The following RAPGEF3 variants were observed in gnomAD, a reference collection of about 807,000 sequenced individuals.
RAPGEF3 encodes Rap guanine nucleotide exchange factor 3.
Under a neutral mutation model 129.8 loss-of-function variants are expected in RAPGEF3, and 103 were observed. That is an observed-to-expected ratio of 0.79 (90% CI 0.68 to 0.93). The LOEUF is 0.93. RAPGEF3 is among the 40% of genes least tolerant of loss of function. The pLI, the probability that RAPGEF3 is intolerant of heterozygous loss-of-function variation, is 0.00. For synonymous variants in RAPGEF3, 436 were observed against 482.6 expected (o/e 0.90, Z 1.26); for missense variants, 1,117 against 1,207.4 (o/e 0.93, Z 1.11).
chr12:47,741,742 A>G, intron 18 of RAPGEF3, 140 bp from the exon 19 acceptor site: 1 of 686,304 alleles, frequency 1.5e-6, no homozygotes, highest in Non-Finnish European at 2.6e-6. Flanking sequence ...GGTGGTGCTC[A>G]GAATACACAG....
Position 47,758,660 on chromosome 12 carries a change from G to A in RAPGEF3, c.-104C>T. Reference sequence around the variant, plus strand: ...TAAGGGGATCCGGAGGGTGCCAGTGGGTAAGTCCAGGTACAGTGAACTGGG... The same window carrying A: ...TAAGGGGATCCGGAGGGTGCCAGTGAGTAAGTCCAGGTACAGTGAACTGGG... On this transcript the variant is annotated 5_prime_UTR_variant, in exon 1 of 28. Coordinates refer to ENST00000449771, the MANE Select transcript of RAPGEF3 (RefSeq NM_001098531.4). 6.3e-7 allele frequency: 1 copy of A among 1,575,380 alleles called. No individual in the cohort carries two copies. Among genetic ancestry groups the A allele is most frequent in the South Asian group, 1.2e-5 (1 of 85,524 alleles).
Position 47,748,914 on chromosome 12 carries a change from G to C in RAPGEF3, c.1059C>G (p.Thr353=). ...NRIIKDVEAK[T]MRLEEHGKVV... is the part of the protein sequence containing the mutation. ...CTTTGCCATGTTCTTCCAGCCGCAT[G>C]GTCTTTGCCTCCACATCCTGGAGAA... Residue 353 remains threonine, a synonymous_variant, in exon 11 of 28, where the codon ACC becomes ACG. Coordinates refer to ENST00000449771, the MANE Select transcript of RAPGEF3 (RefSeq NM_001098531.4). The C allele has an allele frequency of 6.2e-7, 1 of 1,613,952 alleles. No homozygotes were observed. Among genetic ancestry groups the C allele is most frequent in the Non-Finnish European group, 8.5e-7 (1 of 1,179,872 alleles).
In RAPGEF3 at chr12:47,751,180, T is replaced by G; in HGVS notation, c.539A>C (p.Gln180Pro). The G allele has an allele frequency of 6.4e-7, 1 of 1,553,822 alleles. No individual in the cohort carries two copies. Reference sequence around the variant, plus strand: ...CTCGGGCCCGGGGAACCGGTAGAATTGGGCATCTCGGTCCTGGAAGGCCCA... The same window carrying G: ...CTCGGGCCCGGGGAACCGGTAGAATGGGGCATCTCGGTCCTGGAAGGCCCA... ...HDWAFQDRDA[Q>P]FYRFPGPEPE... Residue 180 changes from glutamine to proline, a missense_variant, in exon 6 of 28, where the codon CAA (glutamine) becomes CCA (proline). Physicochemically the swap from Gln to Pro is moderately conservative, Grantham distance 76. This residue lies in a region of RAPGEF3 where 367 missense variants were observed against 373.4 expected (regional missense o/e 0.98). Transcript: ENST00000449771.
At chr12:47,750,105 G>T (rs1941658279) in intron 7 of RAPGEF3, 115 bp from the exon 8 acceptor site, 3 of 1,282,486 alleles carry the variant, frequency 2.3e-6, no homozygotes, top group East Asian at 2.3e-5. Context: ...CAAAGATGTG[G>T]CCAGGTCAGG....
chr12:47,746,418 C>T, intron 16 of RAPGEF3: 2 of 524,576 alleles, frequency 3.8e-6, no homozygotes, highest in Non-Finnish European at 6.6e-6. Flanking sequence ...CTTCTCATCC[C>T]CTCTTTGCTT....
chr12:47,756,528 C>G (rs747355950), intron 2 of RAPGEF3: 1 of 152,130 alleles, frequency 6.6e-6, no homozygotes, highest in Non-Finnish European at 1.5e-5. Flanking sequence ...TGTGGACTCT[C>G]CTCTCAATTC....
Position 47,748,102 on chromosome 12 carries a change from C to T in RAPGEF3, c.1294G>A (p.Ala432Thr), listed in dbSNP as rs148472439. ...TGCAGAAGGGCAGCGCAGAGTTGGGCGCTGGGCATGAAGACCCTGTGGGTC... is the reference window on the plus strand; with the variant it reads ...TGCAGAAGGGCAGCGCAGAGTTGGGTGCTGGGCATGAAGACCCTGTGGGTC... ...LLTHRVFMPS[A>T]QLCAALLHHF... is the part of the protein sequence containing the mutation. The change falls in exon 13 of 28, where the codon GCC becomes ACC. Residue 432 changes from alanine to threonine, a missense_variant. By Grantham distance (58) the Ala-to-Thr change is moderately conservative (BLOSUM62 0). Transcript: ENST00000449771. 14 of 1,588,742 alleles carry T rather than the reference C, an allele frequency of 8.8e-6. No homozygotes were observed. The highest frequency in any genetic ancestry group is 4.6e-5 in the East Asian group (2 of 43,782).
chr12:47,740,997 TC>T lies in RAPGEF3; in HGVS notation c.1966del (p.Glu656ArgfsTer6). ...CTTGGCACTCACCAGGTCCAGCCCC[TC>T]AGCAGAGCCCACAGTGGGCCCCAGC... ...DQLGPTVGSA[E>X]GLDLVSAKDL... is the part of the protein sequence containing the mutation. On this transcript the variant is annotated frameshift_variant, in exon 20 of 28. Coordinates refer to ENST00000449771, the MANE Select transcript of RAPGEF3 (RefSeq NM_001098531.4). LOFTEE classifies it high-confidence loss of function. 1 of 1,613,114 alleles carries T rather than the reference TC, an allele frequency of 6.2e-7. No homozygotes were observed. Among genetic ancestry groups the T allele is most frequent in the South Asian group, 1.1e-5 (1 of 90,840 alleles).
intron 2 of RAPGEF3, chr12:47,752,506 A>C: frequency 6.4e-6 from 1 of 157,386 alleles, no homozygotes; most frequent in Non-Finnish European, 1.4e-5. Context: ...CAAAACACAA[A>C]CCCTGGAGCC....
chr12:47,747,552 T>A lies in RAPGEF3; in HGVS notation c.1548A>T (p.Arg516=), dbSNP rs1336415772. Reference sequence around the variant, plus strand: ...CAGAGTCAAAGCATCACCTGTGGCATCGCCGCCTCTCTGGCCACTGCTCCC... The same window carrying A: ...CAGAGTCAAAGCATCACCTGTGGCAACGCCGCCTCTCTGGCCACTGCTCCC... ...LLREQWPERR[R]CHRLENGCGN... Residue 516 remains arginine (R), a synonymous_variant, in exon 15 of 28, where the codon CGA becomes CGT. Transcript: ENST00000449771. 2 of 1,613,704 alleles carry A rather than the reference T, an allele frequency of 1.2e-6. No individual in the cohort carries two copies. Among genetic ancestry groups the A allele is most frequent in the African/African-American group, 2.7e-5 (2 of 74,944 alleles).
In RAPGEF3 at chr12:47,735,133, C is replaced by T. The variant is rs1451874214; in HGVS notation, c.*2434G>A. 4 of 152,268 alleles carry T rather than the reference C, an allele frequency of 2.6e-5. No homozygotes were observed. Among genetic ancestry groups the T allele is most frequent in the African/African-American group, 9.7e-5 (4 of 41,424 alleles). The allele number at this position is 152,268 out of a possible 1,614,324, so 9.4% of individuals were successfully genotyped here. A position where few individuals can be genotyped will look rare whatever the true frequency, so the allele number is the denominator to read the frequency against. Reference sequence around the variant, plus strand: ...CTGCCCGGTAGGACACACACGCAGCCATTCCTCTCTGCTTGACCTCCTTTC... The same window carrying T: ...CTGCCCGGTAGGACACACACGCAGCTATTCCTCTCTGCTTGACCTCCTTTC... On this transcript the variant is annotated 3_prime_UTR_variant, in exon 28 of 28. Coordinates refer to ENST00000449771, the MANE Select transcript of RAPGEF3 (RefSeq NM_001098531.4).
At position 47,750,432 on chromosome 12, in the gene RAPGEF3, G is replaced by A. The variant is rs776718200; in HGVS notation, c.672-7C>T. 9 of 1,611,266 alleles carry A rather than the reference G, an allele frequency of 5.6e-6. No homozygotes were observed. The highest frequency in any genetic ancestry group is 1.7e-5 in the Admixed American group (1 of 59,832). ...ATCCGTGCGCTGACCTGGGCTGCAGGGACAGGAGGAATGGGAGCACACTGT... is the reference window on the plus strand; with the variant it reads ...ATCCGTGCGCTGACCTGGGCTGCAGAGACAGGAGGAATGGGAGCACACTGT... On this transcript the variant is annotated splice_region_variant and splice_polypyrimidine_tract_variant and intron_variant, in intron 6 of 27. Coordinates refer to ENST00000449771, the MANE Select transcript of RAPGEF3 (RefSeq NM_001098531.4).
chr12:47,755,104 T>C (rs1278748346), intron 2 of RAPGEF3, among the ~76,000 whole-genome samples: 2 of 152,204 alleles, frequency 1.3e-5, no homozygotes, highest in African/African-American at 4.8e-5. Flanking sequence ...TCAGTGTTAC[T>C]GTTCGTAGCA....
chr12:47,750,504 C>T (rs868053945), intron 6 of RAPGEF3, 79 bp from the exon 7 acceptor site: 8 of 1,319,440 alleles, frequency 6.1e-6, no homozygotes, highest in South Asian at 2.6e-5. Flanking sequence ...CCCACCCAGC[C>T]GATGCCTGTG....
chr12:47,750,945 T>C (rs775705353), intron 6 of RAPGEF3, 103 bp downstream of exon 6: 5 of 1,496,318 alleles, frequency 3.3e-6, no homozygotes, highest in Non-Finnish European at 4.5e-6. Context: ...TTCCCTTCCC[T>C]CCACAACAGG....
At position 47,737,532 on chromosome 12, in the gene RAPGEF3, C is replaced by T. The variant is rs570118210; in HGVS notation, c.*35G>A. 5 of 1,589,640 alleles carry T rather than the reference C, an allele frequency of 3.1e-6. No individual in the cohort carries two copies. The highest frequency in any genetic ancestry group is 4.3e-6 in the Non-Finnish European group (5 of 1,163,048). ...CGGCACACCCTGGCTTTCCCGGCTG[C>T]AAGTGCCTGCTCCAGCTCCAGTCCC... On this transcript the variant is annotated 3_prime_UTR_variant, in exon 28 of 28. Transcript: ENST00000449771.
At chr12:47,741,237 G>T (rs1941146860) in intron 19 of RAPGEF3, 197 bp from the exon 20 acceptor site, 1 of 772,724 alleles carries the variant, frequency 1.3e-6, no homozygotes, top group Admixed American at 2.9e-5. Flanking sequence ...CCTCCTTTTG[G>T]GCTCCTGTCT....
At chr12:47,748,345 A>G in intron 12 of RAPGEF3, 109 bp downstream of exon 12, 1 of 1,128,596 alleles carries the variant, frequency 8.9e-7, no homozygotes, top group South Asian at 1.4e-5. Context: ...ACTTCTGTAC[A>G]GACCAATCCA....
chr12:47,749,257 T>G lies in RAPGEF3; in HGVS notation c.1041+133A>C. On this transcript the variant is annotated intron_variant, in intron 10 of 27. Transcript: ENST00000449771. The surrounding 1 kb of genome is among the most constrained non-coding windows in gnomAD (Gnocchi z 4.5). ...CACACACCCAGGGCTATGGTCCCAC[T>G]GCCAGCTGTCATAGCCCAGCATCTC... The G allele has an allele frequency of 2.6e-6, 3 of 1,135,866 alleles. No individual in the cohort carries two copies. Among genetic ancestry groups the G allele is most frequent in the Non-Finnish European group, 3.9e-6 (3 of 774,216 alleles). 70.4% of individuals were successfully genotyped at this position (1,135,866 alleles called of 1,614,324 possible). A position where few individuals can be genotyped will look rare whatever the true frequency, so the allele number is the denominator to read the frequency against.
Sources: allele counts gnomAD v4.1 joint callset (sites outside exome capture counted in the v4.1 genomes callset), GRCh38; gene constraint gnomAD v4.1.1; regional missense constraint gnomAD v4.1.1; non-coding constraint Gnocchi (gnomAD v3.1); transcripts MANE v1.5; gene names NCBI Gene and HGNC (gene_info 2026-07-23, HGNC 2026-07-21).